Variants in MYT1L observed in about 807,000 individuals in gnomAD.
The protein encoded by MYT1L is myelin transcription factor 1 like.
A neutral mutation model predicts 126.7 loss-of-function variants in MYT1L; 12 were observed. The observed-to-expected ratio is 0.09, with a 90% CI of 0.06 to 0.15. The LOEUF (loss-of-function observed/expected upper bound fraction) is 0.15, where lower values mean the gene tolerates loss of function less well. Ranked by LOEUF, MYT1L falls within the 10% of genes least tolerant of loss-of-function variation. The pLI is 1.00. For missense variants in MYT1L, 979 were observed against 1,585.2 expected, an observed-to-expected ratio of 0.62 and a Z score of 6.49; for synonymous variants, 541 against 604.2, an observed-to-expected ratio of 0.90 and a Z score of 1.53.
Position 1,922,692 on chromosome 2 carries a change from C to T in MYT1L, c.1077G>A (p.Gln359=). 1 of 1,613,850 alleles carries T rather than the reference C, an allele frequency of 6.2e-7. No individual in the cohort carries two copies. The highest frequency in any genetic ancestry group is 1.1e-5 in the South Asian group (1 of 91,078). Residue 359 remains glutamine, a synonymous_variant, in exon 10 of 25, where the codon CAG becomes CAA. Transcript: ENST00000647738. This position sits in a 1 kb window ranked among gnomAD's most constrained non-coding sequence, Gnocchi z 7.4. ...GGAAGTCCTCTTCTGGCCGGACATG[C>T]TGACGGATGTTCATGTTCTGCTGCG... is the stretch of plus-strand genomic sequence containing the variant. ...RNPQQNMNIR[Q]HVRPEEDFPG...
intron 2 of MYT1L, among the ~76,000 whole-genome samples, chr2:2,253,900 C>T (rs895844227): frequency 2.6e-5 from 4 of 152,192 alleles, no homozygotes; most frequent in Admixed American, 2.0e-4. Context: ...TGTGAATTAA[C>T]TTTCATCCTA....
chr2:1,956,191 G>GTCTATCTATCTATCTA lies in MYT1L; in HGVS notation c.153-12873_153-12858dup, dbSNP rs368487475. On this transcript the variant is annotated intron_variant, in intron 8 of 24. Transcript: ENST00000647738. ...TGTCTGCCTGTTCATTTACCTAGCT[G>GTCTATCTATCTATCTA]TCTATCTATCTATCTATCTATCTAT... is the stretch of plus-strand genomic sequence containing the variant. Among the ~76,000 whole-genome samples, 829 of 145,980 alleles carry GTCTATCTATCTATCTA rather than the reference G, an allele frequency of 5.7e-3. 8 individuals are homozygous for GTCTATCTATCTATCTA. The highest frequency in any genetic ancestry group is 7.5e-3 in the Admixed American group (112 of 14,862).
chr2:2,031,817 T>G (rs1299456217), intron 4 of MYT1L, among the ~76,000 whole-genome samples: 11 of 137,354 alleles, frequency 8.0e-5, no homozygotes, highest in Admixed American at 7.2e-5. Flanking sequence ...GAGCAGATTC[T>G]AGAAGGAGGG....
chr2:1,990,107 CT>C (rs1346401809), intron 5 of MYT1L, among the ~76,000 whole-genome samples: 2 of 152,230 alleles, frequency 1.3e-5, no homozygotes, highest in African/African-American at 2.4e-5. Context: ...CATCTCTGGC[CT>C]TTTGGCACCT....
intron 5 of MYT1L, among the ~76,000 whole-genome samples, chr2:1,981,578 A>C (rs34969523): frequency 0.029 from 4,417 of 152,326 alleles, 82 homozygotes; most frequent in Non-Finnish European, 0.045. Flanking sequence ...AGACGACATC[A>C]GACGGTGCAG....
chr2:1,916,075 T>C (rs1432539), intron 11 of MYT1L, among the ~76,000 whole-genome samples: 24,295 of 152,186 alleles, frequency 0.16, 2,075 homozygotes, highest in East Asian at 0.32. Flanking sequence ...TTTATTTTTA[T>C]GGCTCTTCAG....
intron 8 of MYT1L, among the ~76,000 whole-genome samples, chr2:1,968,839 C>T (rs2059590687): frequency 6.6e-6 from 1 of 152,190 alleles, no homozygotes; most frequent in South Asian, 2.1e-4. Flanking sequence ...CCATCCTGTC[C>T]ACTGGGGATA....
chr2:2,250,100 G>C (rs2094607407), intron 2 of MYT1L, among the ~76,000 whole-genome samples: 1 of 152,198 alleles, frequency 6.6e-6, no homozygotes, highest in African/African-American at 2.4e-5. Flanking sequence ...AACCACTATA[G>C]AGAACAGTTT....
chr2:2,187,592 A>T (rs1473602460), intron 2 of MYT1L, among the ~76,000 whole-genome samples: 1 of 151,704 alleles, frequency 6.6e-6, no homozygotes, highest in Non-Finnish European at 1.5e-5. Flanking sequence ...AAGGGGGCAC[A>T]CTCCAGGGAA....
Position 1,887,475 on chromosome 2 carries a change from A to T in MYT1L, c.2642+13T>A, listed in dbSNP as rs1199801436. ...TTAAGAAGATTCATAATTTCACCTC[A>T]CAGCATGCTTACGTTATTAAGTCCT... is the stretch of plus-strand genomic sequence containing the variant. On this transcript the variant is annotated intron_variant, in intron 17 of 24. Coordinates refer to ENST00000647738, the MANE Select transcript of MYT1L (RefSeq NM_001303052.2). This position sits in a 1 kb window ranked among gnomAD's most constrained non-coding sequence, Gnocchi z 4.8. 1 of 1,613,948 alleles carries T rather than the reference A, an allele frequency of 6.2e-7. No individual in the cohort carries two copies. Among genetic ancestry groups the T allele is most frequent in the Admixed American group, 1.7e-5 (1 of 60,014 alleles).
chr2:2,170,312 G>T (rs13391870), intron 3 of MYT1L, among the ~76,000 whole-genome samples: 3 of 152,188 alleles, frequency 2.0e-5, no homozygotes, highest in Non-Finnish European at 2.9e-5. Flanking sequence ...GTTCTCTACC[G>T]ACGCTGTAAA....
intron 18 of MYT1L, among the ~76,000 whole-genome samples, chr2:1,854,259 C>CG (rs1483945633): frequency 6.6e-6 from 1 of 151,742 alleles, no homozygotes; most frequent in African/African-American, 2.4e-5. Context: ...TGGAGGGTGG[C>CG]GGGGGAACAC....
At chr2:1,944,687 T>C (rs1398875682) in intron 8 of MYT1L, among the ~76,000 whole-genome samples, 4 of 152,194 alleles carry the variant, frequency 2.6e-5, no homozygotes, top group Admixed American at 6.5e-5. Context: ...ATGCTGGAGT[T>C]CAGAGATGAG....
At chr2:2,217,311 T>C (rs376249441) in intron 2 of MYT1L, among the ~76,000 whole-genome samples, 1 of 152,182 alleles carries the variant, frequency 6.6e-6, no homozygotes, top group Non-Finnish European at 1.5e-5. Context: ...CAGTGCATCA[T>C]GACCCAGTGG....
intron 3 of MYT1L, among the ~76,000 whole-genome samples, chr2:2,115,807 G>A (rs1009712277): frequency 6.6e-6 from 1 of 152,120 alleles, no homozygotes; most frequent in African/African-American, 2.4e-5. Context: ...CTGAGAAGTA[G>A]GATGCACCAC....
chr2:1,860,051 C>T (rs2044388801), intron 18 of MYT1L, among the ~76,000 whole-genome samples: 1 of 152,268 alleles, frequency 6.6e-6, no homozygotes, highest in African/African-American at 2.4e-5. Context: ...TCACTTATCC[C>T]TCTGTGTTGA....
At chr2:2,165,311 C>T (rs934711878) in intron 3 of MYT1L, among the ~76,000 whole-genome samples, 2 of 147,684 alleles carry the variant, frequency 1.4e-5, no homozygotes, top group Admixed American at 1.3e-4. Context: ...CACACACGTG[C>T]ACACATACAC....
At chr2:2,095,778 C>CG (rs2077391320) in intron 3 of MYT1L, among the ~76,000 whole-genome samples, 1 of 152,198 alleles carries the variant, frequency 6.6e-6, no homozygotes, top group African/African-American at 2.4e-5. Flanking sequence ...CTCATCGCCC[C>CG]GGGCACCCCC....
chr2:2,075,757 A>T (rs1157244459), intron 3 of MYT1L, among the ~76,000 whole-genome samples: 1 of 152,246 alleles, frequency 6.6e-6, no homozygotes, highest in African/African-American at 2.4e-5. Context: ...AATAAAATCA[A>T]CTACTTCAGA....
Sources: gnomAD v4.1 joint callset for allele counts (sites outside exome capture counted in the v4.1 genomes callset) on GRCh38, gnomAD v4.1.1 for gene constraint, Gnocchi (gnomAD v3.1) non-coding constraint, MANE v1.5 for transcripts, NCBI Gene and HGNC (gene_info 2026-07-23, HGNC 2026-07-21) for gene names.